Variants in CRY1 observed in about 807,000 individuals in gnomAD.
CRY1 encodes cryptochrome-1.
In CRY1, 45 loss-of-function variants were observed where a neutral mutation model predicts 76.0. The observed-to-expected ratio is 0.59, with a 90% CI of 0.47 to 0.76. CRY1 has a LOEUF of 0.76. Among genes scored for constraint, CRY1 ranks in the 30% least tolerant of loss-of-function variants. The pLI, the probability that CRY1 is intolerant of heterozygous loss-of-function variation, is 0.00. For synonymous variants in CRY1, 248 were observed against 244.0 expected, an observed-to-expected ratio of 1.02 and a Z score of -0.15; for missense variants, 587 against 716.4, an observed-to-expected ratio of 0.82 and a Z score of 2.06.
intron 1 of CRY1, among the ~76,000 whole-genome samples, chr12:107,075,186 T>C (rs1197619248): frequency 6.6e-6 from 1 of 152,232 alleles, no homozygotes; most frequent in African/African-American, 2.4e-5. Context: ...GCTACTGCTT[T>C]CTAATAAGTC....
intron 1 of CRY1, among the ~76,000 whole-genome samples, chr12:107,080,169 T>TA (rs1406839791): frequency 6.6e-6 from 1 of 152,072 alleles, no homozygotes; most frequent in African/African-American, 2.4e-5. Context: ...TGGCACACAG[T>TA]AAGGACTCAA....
intron 1 of CRY1, among the ~76,000 whole-genome samples, chr12:107,034,667 A>C (rs1952713770): frequency 6.6e-6 from 1 of 152,152 alleles, no homozygotes; most frequent in South Asian, 2.1e-4. Flanking sequence ...TGAAATCTAA[A>C]ACACTTCTGG....
At chr12:107,048,087 A>T (rs1593524168) in intron 1 of CRY1, among the ~76,000 whole-genome samples, 3 of 149,934 alleles carry the variant, frequency 2.0e-5, no homozygotes, top group Admixed American at 2.0e-4. Flanking sequence ...ATCCATTCAG[A>T]TTTTTTTTTT....
At chr12:107,064,351 A>G (rs1953085872) in intron 1 of CRY1, among the ~76,000 whole-genome samples, 1 of 152,176 alleles carries the variant, frequency 6.6e-6, no homozygotes. Context: ...AAATAAGTAC[A>G]TTAAAACAGA....
intron 1 of CRY1, among the ~76,000 whole-genome samples, chr12:107,024,550 TA>T (rs1166941827): frequency 6.6e-6 from 1 of 152,160 alleles, no homozygotes; most frequent in African/African-American, 2.4e-5. Flanking sequence ...CTAATTTTTG[TA>T]GTTTTTGTAG....
chr12:107,073,086 A>G (rs1321242719), intron 1 of CRY1: 1 of 75,812 alleles, frequency 1.3e-5, no homozygotes, highest in African/African-American at 3.0e-5. Context: ...ATGTGTAAAT[A>G]AAACTCTAAA....
In CRY1 at chr12:106,999,667, C is replaced by T; in HGVS notation, c.1021G>A (p.Asp341Asn). The T allele has an allele frequency of 6.2e-7, 1 of 1,614,270 alleles. No individual in the cohort carries two copies. Residue 341 changes from aspartate to asparagine, a missense_variant, in exon 7 of 13, where the codon GAT becomes AAT. By Grantham distance (23) the Asp-to-Asn change is conservative. Coordinates refer to ENST00000008527, the MANE Select transcript of CRY1 (RefSeq NM_004075.5). The part of the protein sequence containing the change: ...AEGRTGFPWI[D>N]AIMTQLRQEG... Reference sequence around the variant, plus strand: ...TGACGAAGCTGTGTCATGATGGCATCAATCCATGGAAAGCCTGTCCGGCCT... The same window carrying T: ...TGACGAAGCTGTGTCATGATGGCATTAATCCATGGAAAGCCTGTCCGGCCT...
chr12:107,077,397 C>T (rs1280161646), intron 1 of CRY1, among the ~76,000 whole-genome samples: 1 of 152,144 alleles, frequency 6.6e-6, no homozygotes, highest in Non-Finnish European at 1.5e-5. Flanking sequence ...TGGTAGATAA[C>T]AGGCTCTCAC....
At chr12:107,031,725 G>A (rs1952677264) in intron 1 of CRY1, among the ~76,000 whole-genome samples, 1 of 152,012 alleles carries the variant, frequency 6.6e-6, no homozygotes, top group East Asian at 1.9e-4. Context: ...AACTCAAATT[G>A]AGGGCCGTTC....
At chr12:107,061,363 T>C (rs188045455) in intron 1 of CRY1, among the ~76,000 whole-genome samples, 155 of 152,030 alleles carry the variant, frequency 1.0e-3, no homozygotes, top group Admixed American at 7.1e-3. Flanking sequence ...AATAAACTGA[T>C]TCCTAATACA....
chr12:106,997,145 G>A, intron 10 of CRY1, 149 bp downstream of exon 10: 1 of 678,802 alleles, frequency 1.5e-6, no homozygotes, highest in Non-Finnish European at 2.6e-6. Context: ...GATGTGTCTG[G>A]GTGCACATGT....
chr12:106,997,794 G>T, intron 8 of CRY1, 104 bp from the exon 9 acceptor site: 1 of 1,525,326 alleles, frequency 6.6e-7, no homozygotes, highest in Non-Finnish European at 8.9e-7. Context: ...TAAATGATCT[G>T]TTTACCCTTC....
intron 1 of CRY1, among the ~76,000 whole-genome samples, chr12:107,069,139 A>G (rs2136890244): frequency 6.6e-6 from 1 of 152,240 alleles, no homozygotes; most frequent in South Asian, 2.1e-4. Context: ...ATTTTTCTAC[A>G]GCAGCTGTAC....
intron 1 of CRY1, among the ~76,000 whole-genome samples, chr12:107,091,635 C>A (rs1048817456): frequency 1.3e-5 from 2 of 152,216 alleles, no homozygotes; most frequent in African/African-American, 4.8e-5. Flanking sequence ...TAAGTAAAAA[C>A]CCAAATCTTG....
At chr12:107,020,762 G>A (rs1256172735) in intron 2 of CRY1, among the ~76,000 whole-genome samples, 2 of 152,062 alleles carry the variant, frequency 1.3e-5, no homozygotes, top group Non-Finnish European at 2.9e-5. Context: ...TTTCTTTGCA[G>A]CAATGTGAAA....
At chr12:107,088,832 C>T (rs1921130) in intron 1 of CRY1, among the ~76,000 whole-genome samples, 1 of 152,196 alleles carries the variant, frequency 6.6e-6, no homozygotes, top group Admixed American at 6.5e-5. Flanking sequence ...GTACAATCAT[C>T]CATCACCTTC....
chr12:107,016,772 C>A (rs1412167574), intron 2 of CRY1, among the ~76,000 whole-genome samples: 1 of 152,162 alleles, frequency 6.6e-6, no homozygotes, highest in African/African-American at 2.4e-5. Flanking sequence ...AAATGAACTT[C>A]TTATTTTTTC....
intron 12 of CRY1, 198 bp from the exon 13 acceptor site, chr12:106,992,199 T>A (rs921133060): frequency 3.3e-5 from 5 of 152,086 alleles, no homozygotes; most frequent in Admixed American, 6.5e-5. Flanking sequence ...AACTGGCAAA[T>A]CCAACGTATA....
intron 1 of CRY1, among the ~76,000 whole-genome samples, chr12:107,031,063 T>C (rs528315210): frequency 9.2e-5 from 14 of 152,338 alleles, no homozygotes; most frequent in East Asian, 1.9e-4. Flanking sequence ...ACTTCTGTTG[T>C]TGACAGTACA....
Sources: allele counts gnomAD v4.1 joint callset (sites outside exome capture counted in the v4.1 genomes callset), GRCh38; gene constraint gnomAD v4.1.1; transcripts MANE v1.5; gene names NCBI Gene and HGNC (gene_info 2026-07-23, HGNC 2026-07-21).